Variants in CLDN16 observed in about 807,000 individuals in gnomAD.
The protein encoded by CLDN16 is claudin 16.
Under a neutral mutation model 24.6 loss-of-function variants are expected in CLDN16, and 13 were observed. The ratio of observed to expected loss-of-function variants is 0.53; its 90% confidence interval spans 0.34 to 0.84. The LOEUF (loss-of-function observed/expected upper bound fraction) is 0.84. CLDN16 is among the 40% of genes least tolerant of loss of function. The pLI, the probability that CLDN16 is intolerant of heterozygous loss-of-function variation, is 0.01. For missense variants in CLDN16, 298 were observed against 292.7 expected, an observed-to-expected ratio of 1.02 and a Z score of -0.13; for synonymous variants, 116 against 106.7, an observed-to-expected ratio of 1.09 and a Z score of -0.54.
At chr3:190,318,771 A>C (rs1470203352), upstream of CLDN16, among the ~76,000 whole-genome samples, 2 of 152,210 alleles carry the variant, frequency 1.3e-5, no homozygotes, top group African/African-American at 4.8e-5. Flanking sequence ...AGAAGCATAA[A>C]TAGGTGCCCT....
intron 3 of CLDN16, among the ~76,000 whole-genome samples, chr3:190,378,305 C>G (rs188355213): frequency 6.6e-6 from 1 of 151,892 alleles, no homozygotes; most frequent in East Asian, 1.9e-4. Flanking sequence ...AATCAGCAGA[C>G]GAGAGATAAG....
At chr3:190,327,915 A>G (rs6787886) in intron 1 of CLDN16, among the ~76,000 whole-genome samples, 2,222 of 152,320 alleles carry the variant, frequency 0.015, 56 homozygotes, top group African/African-American at 0.048. Context: ...TTTGACTCAC[A>G]AGTAGATCTT....
At chr3:190,320,413 G>C (rs1716888489), upstream of CLDN16, among the ~76,000 whole-genome samples, 1 of 152,036 alleles carries the variant, frequency 6.6e-6, no homozygotes, top group South Asian at 2.1e-4. Flanking sequence ...TTTCCATGGA[G>C]AAATTCAATA....
intron 2 of CLDN16, 121 bp downstream of exon 2, chr3:190,402,560 A>G (rs1718991659): frequency 4.0e-6 from 3 of 754,090 alleles, no homozygotes; most frequent in Non-Finnish European, 7.2e-6. Flanking sequence ...CCAGTTTGTA[A>G]TGGTTAGAAA....
chr3:190,299,302 AT>A, the CLDN16 span, among the ~76,000 whole-genome samples: 1 of 151,946 alleles, frequency 6.6e-6, no homozygotes, highest in Non-Finnish European at 1.5e-5. Context: ...ATTTGTTATA[AT>A]TGATCTATTG....
chr3:190,298,348 T>TACACACACACACACACAC, the CLDN16 span, among the ~76,000 whole-genome samples: 3,705 of 147,890 alleles, frequency 0.025, 61 homozygotes, highest in East Asian at 0.043. Context: ...ATGTATATTA[T>TACACACACACACACACAC]ACACACACAC....
chr3:190,308,402 C>T, the CLDN16 span: 5 of 1,613,626 alleles, frequency 3.1e-6, no homozygotes, highest in Admixed American at 1.7e-5. Flanking sequence ...AGAGAAGCAG[C>T]AGCCCAGCCA....
chr3:190,321,647 A>G (rs1716924456), upstream of CLDN16, among the ~76,000 whole-genome samples: 1 of 152,108 alleles, frequency 6.6e-6, no homozygotes, highest in Non-Finnish European at 1.5e-5. Context: ...ATTTACCCCA[A>G]ATCTCGGAAT....
At chr3:190,364,784 C>G (rs1038081821) in intron 1 of CLDN16, among the ~76,000 whole-genome samples, 2 of 151,552 alleles carry the variant, frequency 1.3e-5, no homozygotes, top group African/African-American at 4.8e-5. Context: ...GACATATTCC[C>G]AAATGTGGAA....
At chr3:190,404,295 A>G (rs142869010) in intron 2 of CLDN16, among the ~76,000 whole-genome samples, 31 of 152,280 alleles carry the variant, frequency 2.0e-4, no homozygotes, top group African/African-American at 7.0e-4. Flanking sequence ...GAAATATTTT[A>G]TTCTGCTTCC....
chr3:190,358,730 G>A (rs1717827918), intron 1 of CLDN16, among the ~76,000 whole-genome samples: 1 of 151,912 alleles, frequency 6.6e-6, no homozygotes, highest in African/African-American at 2.4e-5. Context: ...GACAACTAAT[G>A]ATGACCTAAC....
At chr3:190,351,899 A>C (rs1165958137) in intron 1 of CLDN16, among the ~76,000 whole-genome samples, 1 of 152,146 alleles carries the variant, frequency 6.6e-6, no homozygotes, top group East Asian at 1.9e-4. Context: ...AACATTCAAG[A>C]GTATTCAAGT....
the CLDN16 span, among the ~76,000 whole-genome samples, chr3:190,317,215 C>T: frequency 6.6e-6 from 1 of 152,082 alleles, no homozygotes; most frequent in African/African-American, 2.4e-5. Flanking sequence ...GCTAAATCTA[C>T]AATATTATGA....
intron 1 of CLDN16, among the ~76,000 whole-genome samples, chr3:190,392,158 G>A (rs1189894770): frequency 5.4e-5 from 8 of 149,506 alleles, no homozygotes; most frequent in Non-Finnish European, 7.4e-5. Flanking sequence ...CACTTCTCCA[G>A]ACATTTCCAT....
intron 1 of CLDN16, among the ~76,000 whole-genome samples, chr3:190,335,974 C>T (rs1717295703): frequency 6.6e-6 from 1 of 152,110 alleles, no homozygotes; most frequent in Non-Finnish European, 1.5e-5. Context: ...AATGTTCTAA[C>T]AGTACAATTG....
chr3:190,347,953 G>T (rs920352875), intron 1 of CLDN16, among the ~76,000 whole-genome samples: 2 of 151,840 alleles, frequency 1.3e-5, no homozygotes, highest in African/African-American at 4.8e-5. Context: ...GGTAGAAGAT[G>T]AGACCATGGG....
At chr3:190,342,228 G>A (rs1717453619) in intron 1 of CLDN16, among the ~76,000 whole-genome samples, 1 of 152,152 alleles carries the variant, frequency 6.6e-6, no homozygotes, top group Admixed American at 6.5e-5. Context: ...TTTTCATGCT[G>A]CTGATAAGGA....
chr3:190,309,417 T>C, the CLDN16 span, among the ~76,000 whole-genome samples: 1 of 152,192 alleles, frequency 6.6e-6, no homozygotes, highest in Non-Finnish European at 1.5e-5. Flanking sequence ...GAAACACATC[T>C]TATCTCTCCA....
At chr3:190,328,118 CAA>C (rs60601809) in intron 1 of CLDN16, among the ~76,000 whole-genome samples, 2,236 of 142,934 alleles carry the variant, frequency 0.016, 50 homozygotes, top group African/African-American at 0.049. Context: ...TCCATCTCTA[CAA>C]AAAAAAAAAA....
Sources: gnomAD v4.1 joint callset for allele counts (sites outside exome capture counted in the v4.1 genomes callset) on GRCh38, gnomAD v4.1.1 for gene constraint, MANE v1.5 for transcripts, NCBI Gene and HGNC (gene_info 2026-07-23, HGNC 2026-07-21) for gene names.